The following SLC9A8 variants were observed in gnomAD, a reference collection of about 807,000 sequenced individuals.
SLC9A8 encodes sodium/hydrogen exchanger 8.
SLC9A8 carries 48 observed loss-of-function variants against 66.6 expected under a neutral mutation model. The ratio of observed to expected loss-of-function variants is 0.72; its 90% CI spans 0.57 to 0.92. The LOEUF is 0.92. Ranked by LOEUF, SLC9A8 falls within the 40% of genes least tolerant of loss-of-function variation. SLC9A8 has a pLI of 0.00. For synonymous variants in SLC9A8, 274 were observed against 282.6 expected (o/e 0.97, Z 0.31); for missense variants, 599 against 747.3 (o/e 0.80, Z 2.31).
At chr20:49,869,953 G>A (rs191882223) in intron 10 of SLC9A8, among the ~76,000 whole-genome samples, 3 of 152,318 alleles carry the variant, frequency 2.0e-5, no homozygotes, top group Admixed American at 1.3e-4. Flanking sequence ...CTGCTTGGGA[G>A]AGAAAAACTG....
chr20:49,890,724 G>C lies in SLC9A8; in HGVS notation c.*2788G>C, dbSNP rs151199389. On this transcript the variant is annotated 3_prime_UTR_variant, in exon 16 of 16. Coordinates refer to ENST00000361573, the MANE Select transcript of SLC9A8 (RefSeq NM_015266.3). ...GGGATGGGCCAGGGCCAGGCTAAGG[G>C]TGGCTCAGTTCCATCATCTGGAGGT... 2,316 of 152,378 alleles carry C rather than the reference G, an allele frequency of 0.015. 70 individuals carry two copies. Among genetic ancestry groups the C allele is most frequent in the African/African-American group, 0.053 (2,181 of 41,532 alleles). 9.4% of individuals were successfully genotyped at this position (152,378 alleles called of 1,614,324 possible).
chr20:49,816,690 AG>A (rs898211845), intron 2 of SLC9A8, among the ~76,000 whole-genome samples: 14 of 152,142 alleles, frequency 9.2e-5, no homozygotes. Flanking sequence ...ACTTTTGATT[AG>A]CTAAGGAATA....
intron 10 of SLC9A8, among the ~76,000 whole-genome samples, chr20:49,867,699 C>T (rs1290981150): frequency 1.3e-5 from 2 of 151,886 alleles, no homozygotes; most frequent in Admixed American, 1.3e-4. Context: ...CTTTGTCTCC[C>T]TTCCGGCAGG....
rs746043495 is a variant in SLC9A8, at chr20:49,849,683, A to G, written c.534+3A>G. 6.9e-6 allele frequency: 11 copies of G among 1,597,502 alleles called. No homozygotes were observed. The highest frequency in any genetic ancestry group is 1.1e-5 in the South Asian group (1 of 90,752). The stretch of plus-strand genomic sequence containing the variant: ...GAGGAATTTATTTTCTGGGTCAGGT[A>G]AGAAAATCATCTTTGAAACACTTTG... On this transcript the variant is annotated splice_donor_region_variant and intron_variant, in intron 6 of 15. Coordinates refer to ENST00000361573, the MANE Select transcript of SLC9A8 (RefSeq NM_015266.3).
chr20:49,863,219 A>G (rs867233872), intron 9 of SLC9A8, 152 bp downstream of exon 9: 10 of 647,868 alleles, frequency 1.5e-5, no homozygotes, highest in Admixed American at 3.4e-5. Context: ...TTTGAGAAAC[A>G]CTCTAACTCA....
intron 3 of SLC9A8, among the ~76,000 whole-genome samples, chr20:49,834,446 T>C (rs1448482639): frequency 3.9e-5 from 3 of 76,634 alleles, no homozygotes; most frequent in Admixed American, 1.4e-4. Flanking sequence ...TATATATATA[T>C]ATACTGTATA....
chr20:49,840,763 A>C (rs2087725253), intron 4 of SLC9A8, among the ~76,000 whole-genome samples: 1 of 152,104 alleles, frequency 6.6e-6, no homozygotes, highest in Non-Finnish European at 1.5e-5. Flanking sequence ...CCTAGGCTGG[A>C]TATAGCCTGA....
At chr20:49,842,926 G>A (rs1172777761) in intron 4 of SLC9A8, among the ~76,000 whole-genome samples, 4 of 152,132 alleles carry the variant, frequency 2.6e-5, no homozygotes, top group Admixed American at 6.5e-5. Flanking sequence ...GCTTGTGGCC[G>A]CATCACTCCT....
Position 49,851,763 on chromosome 20 carries a change from T to C in SLC9A8, c.569+919T>C, listed in dbSNP as rs543045999. On this transcript the variant is annotated intron_variant, in intron 7 of 15. Transcript: ENST00000361573. ...AGCTTTTGTTGTAAGACAGTTTTGA[T>C]ACATAAACAAGTAGTCCTATTCCAT... 1.3e-4 allele frequency among the ~76,000 whole-genome samples: 20 copies of C among 152,326 alleles called. No homozygotes were observed. The South Asian group carries it at 4.1e-3, about 32-fold the overall frequency.
At chr20:49,864,633 A>G (rs181276211) in intron 9 of SLC9A8, 106 bp from the exon 10 acceptor site, 41 of 749,424 alleles carry the variant, frequency 5.5e-5, no homozygotes, top group Non-Finnish European at 8.3e-5. Context: ...TCTAAAATCT[A>G]TATCTGTTGT....
intron 9 of SLC9A8, chr20:49,863,913 T>G (rs1417596174): frequency 1.3e-5 from 2 of 152,236 alleles, no homozygotes; most frequent in East Asian, 1.9e-4. Flanking sequence ...GTTACAGGCA[T>G]GTTTTTCTGC....
intron 4 of SLC9A8, among the ~76,000 whole-genome samples, chr20:49,841,785 G>A (rs1369302066): frequency 6.6e-6 from 1 of 151,842 alleles, no homozygotes; most frequent in African/African-American, 2.4e-5. Context: ...AGTAGAGACA[G>A]GGTCTCACCA....
chr20:49,875,641 G>A (rs1465778434), intron 11 of SLC9A8, among the ~76,000 whole-genome samples: 6 of 152,174 alleles, frequency 3.9e-5, no homozygotes, highest in Non-Finnish European at 7.4e-5. Flanking sequence ...AGTGGTTGGA[G>A]TCGGGGAACA....
intron 2 of SLC9A8, chr20:49,815,446 T>C: frequency 3.0e-6 from 1 of 330,588 alleles, no homozygotes; most frequent in Non-Finnish European, 5.4e-6. Context: ...TAAAAAAATT[T>C]TGGCCTAGAA....
Position 49,830,961 on chromosome 20 carries a change from C to T in SLC9A8, c.289+7820C>T, listed in dbSNP as rs112170309. ...CAGAAGGATCTCTGCTTAGCCATTG[C>T]GCTGGGCAATGCGGTCAACTCTCTG... On this transcript the variant is annotated intron_variant, in intron 3 of 15. Transcript: ENST00000361573. The T allele has an allele frequency of 1.2e-3, 938 of 785,738 alleles. 9 individuals carry two copies. In the African/African-American group the frequency reaches 0.014, roughly 12 times the overall value. 48.7% of individuals were successfully genotyped at this position (785,738 alleles called of 1,614,324 possible). A position where few individuals can be genotyped will look rare whatever the true frequency, so the allele number is the denominator to read the frequency against.
intron 3 of SLC9A8, among the ~76,000 whole-genome samples, chr20:49,824,816 A>C (rs746772865): frequency 2.0e-5 from 3 of 152,194 alleles, no homozygotes; most frequent in Non-Finnish European, 4.4e-5. Flanking sequence ...GGTCTTTGCC[A>C]TCATGTTAAT....
chr20:49,824,635 G>A (rs938771282), intron 3 of SLC9A8, among the ~76,000 whole-genome samples: 2 of 152,132 alleles, frequency 1.3e-5, no homozygotes, highest in African/African-American at 4.8e-5. Flanking sequence ...GAATGTCTGG[G>A]TAACTGCAGC....
chr20:49,887,874 T>C lies in SLC9A8; in HGVS notation c.1684T>C (p.Trp562Arg). Residue 562 changes from tryptophan (W) to arginine (R), a missense_variant, in exon 16 of 16, where the codon TGG (tryptophan) becomes CGG (arginine). This residue lies in a region of SLC9A8 where 467 missense variants were observed against 626.5 expected (regional missense o/e 0.75). Coordinates refer to ENST00000361573, the MANE Select transcript of SLC9A8 (RefSeq NM_015266.3). ...CCAGATGAAAACTCTCACCAACAAG[T>C]GGTACGAGGAGGTACGCCAGGGCCC... The part of the protein sequence containing the change: ...RIQMKTLTNK[W>R]YEEVRQGPSG... 1.2e-6 allele frequency: 2 copies of C among 1,613,034 alleles called. No individual in the cohort carries two copies. The highest frequency in any genetic ancestry group is 1.1e-5 in the South Asian group (1 of 90,974).
At chr20:49,815,336 A>G in intron 2 of SLC9A8, 147 bp downstream of exon 2, 1 of 519,832 alleles carries the variant, frequency 1.9e-6, no homozygotes, top group South Asian at 4.5e-5. Flanking sequence ...TGATCAGTTT[A>G]TAACATCATT....
Sources: allele counts gnomAD v4.1 joint callset (sites outside exome capture counted in the v4.1 genomes callset), GRCh38; gene constraint gnomAD v4.1.1; regional missense constraint gnomAD v4.1.1; transcripts MANE v1.5; gene names NCBI Gene and HGNC (gene_info 2026-07-23, HGNC 2026-07-21).